SLC17A6: variants seen among roughly 807,000 people sequenced by gnomAD.
SLC17A6 encodes vesicular glutamate transporter 2.
SLC17A6 carries 35 observed loss-of-function variants against 67.1 expected under a neutral mutation model. The ratio of observed to expected loss-of-function variants is 0.52; its 90% CI spans 0.40 to 0.69. The LOEUF (loss-of-function observed/expected upper bound fraction) is 0.69. Ranked by LOEUF, SLC17A6 falls within the 30% of genes least tolerant of loss-of-function variation. SLC17A6 has a pLI of 0.00. For synonymous variants in SLC17A6, 285 were observed against 252.3 expected, an observed-to-expected ratio of 1.13 and a Z score of -1.23; for missense variants, 588 against 723.9, an observed-to-expected ratio of 0.81 and a Z score of 2.15.
In SLC17A6 at chr11:22,362,792, T is replaced by C; in HGVS notation, c.715T>C (p.Tyr239His). The change falls in exon 6 of 12, where the codon TAC (tyrosine) becomes CAC (histidine). Residue 239 changes from tyrosine to histidine, a missense_variant. By Grantham distance (83) the Tyr-to-His change is moderately conservative (BLOSUM62 2). Around this residue, in one of 4 missense-constraint regions of SLC17A6, gnomAD observed 414 missense variants for 563.4 expected, o/e 0.73. Transcript: ENST00000263160. ...AMPLAGILVQYTGWSSVFYVY... is the reference protein window; with the variant it reads ...AMPLAGILVQHTGWSSVFYVY... ...GCCTTTAGCTGGCATTCTTGTGCAG[T>C]ACACTGGCTGGTCTTCAGTGTTTTA... 6.2e-7 allele frequency: 1 copy of C among 1,613,878 alleles called. No individual in the cohort carries two copies. Among genetic ancestry groups the C allele is most frequent in the Admixed American group, 1.7e-5 (1 of 60,020 alleles).
At chr11:22,358,649 CT>C (rs1856016720) in intron 3 of SLC17A6, among the ~76,000 whole-genome samples, 1 of 151,534 alleles carries the variant, frequency 6.6e-6, no homozygotes, top group African/African-American at 2.4e-5. Flanking sequence ...ATTTTTTTTT[CT>C]TTTTTTAACG....
In SLC17A6 at chr11:22,363,650, A is replaced by G. The variant is rs1296025231; in HGVS notation, c.748+825A>G. ...TTTTGAAATGTTCTCATCAGAACAA[A>G]TTATTATGCTTGTAGAAGGTTATTA... is the stretch of plus-strand genomic sequence containing the variant. On this transcript the variant is annotated intron_variant, in intron 6 of 11. Coordinates refer to ENST00000263160, the MANE Select transcript of SLC17A6 (RefSeq NM_020346.3). Among the ~76,000 whole-genome samples, 7 of 152,276 alleles carry G rather than the reference A, an allele frequency of 4.6e-5. No homozygotes were observed. The East Asian group carries it at 1.4e-3, about 29-fold the overall frequency.
intron 3 of SLC17A6, among the ~76,000 whole-genome samples, chr11:22,351,846 A>G (rs928816455): frequency 6.6e-6 from 1 of 152,266 alleles, no homozygotes; most frequent in African/African-American, 2.4e-5. Flanking sequence ...TGTGAAACCC[A>G]ATTATAAGTG....
At chr11:22,373,159 T>C (rs1422036781) in intron 8 of SLC17A6, among the ~76,000 whole-genome samples, 2 of 152,200 alleles carry the variant, frequency 1.3e-5, no homozygotes, top group East Asian at 3.8e-4. Context: ...TTCAAATAGA[T>C]AGTAAATAAC....
At chr11:22,356,603 A>C (rs898696352) in intron 3 of SLC17A6, among the ~76,000 whole-genome samples, 7 of 152,136 alleles carry the variant, frequency 4.6e-5, no homozygotes, top group Non-Finnish European at 1.0e-4. Flanking sequence ...TGAAAGCTGA[A>C]GAGGGTGGAT....
chr11:22,359,967 A>G (rs1337370464), intron 4 of SLC17A6, among the ~76,000 whole-genome samples: 1 of 152,138 alleles, frequency 6.6e-6, no homozygotes, highest in Non-Finnish European at 1.5e-5. Flanking sequence ...GAGGCATTCA[A>G]TTCTAATGAT....
chr11:22,370,021 C>T lies in SLC17A6; in HGVS notation c.892-18C>T. On this transcript the variant is annotated intron_variant, in intron 7 of 11. Transcript: ENST00000263160. ...AATATTTAAAATGGTCATAATGTCT[C>T]TCTTTTTGGAATTTCAGAAATTCAA... is the stretch of plus-strand genomic sequence containing the variant. 2 of 1,602,032 alleles carry T rather than the reference C, an allele frequency of 1.2e-6. No individual in the cohort carries two copies. Among genetic ancestry groups the T allele is most frequent in the Non-Finnish European group, 1.7e-6 (2 of 1,176,174 alleles).
Position 22,341,660 on chromosome 11 carries a change from C to A in SLC17A6, c.219C>A (p.Ile73=). The part of the protein sequence containing the change: ...TCFGLPRRYI[I]AIMSGLGFCI... ...TCGGCCTGCCCCGCCGCTACATTAT[C>A]GCCATCATGAGCGGCCTGGGCTTCT... The change falls in exon 2 of 12, where the codon ATC becomes ATA. Residue 73 remains isoleucine (I), a synonymous_variant. Coordinates refer to ENST00000263160, the MANE Select transcript of SLC17A6 (RefSeq NM_020346.3). 1 of 1,614,256 alleles carries A rather than the reference C, an allele frequency of 6.2e-7. No individual in the cohort carries two copies. Among genetic ancestry groups the A allele is most frequent in the African/African-American group, 1.3e-5 (1 of 75,084 alleles).
intron 8 of SLC17A6, among the ~76,000 whole-genome samples, chr11:22,372,440 A>G (rs571835457): frequency 2.7e-4 from 41 of 151,620 alleles, no homozygotes; most frequent in African/African-American, 9.4e-4. Flanking sequence ...CTTATATGTA[A>G]CATATTCAGG....
intron 1 of SLC17A6, among the ~76,000 whole-genome samples, chr11:22,340,530 A>G (rs1354066444): frequency 1.3e-5 from 2 of 152,194 alleles, no homozygotes; most frequent in Non-Finnish European, 2.9e-5. Context: ...TTTAAGTGAG[A>G]TCTTCCCCTT....
intron 2 of SLC17A6, 153 bp from the exon 3 acceptor site, chr11:22,343,094 T>C: frequency 1.4e-6 from 1 of 731,506 alleles, no homozygotes; most frequent in Non-Finnish European, 2.4e-6. Context: ...CAAGAGGCAA[T>C]TTTGTTAGGA....
At position 22,362,706 on chromosome 11, in the gene SLC17A6, C is replaced by G. The variant is rs772129117; in HGVS notation, c.662-33C>G. 4 of 1,543,514 alleles carry G rather than the reference C, an allele frequency of 2.6e-6. No individual in the cohort carries two copies. The Admixed American group carries it at 6.7e-5, about 26-fold the overall frequency. On this transcript the variant is annotated intron_variant, in intron 5 of 11. Transcript: ENST00000263160. Reference sequence around the variant, plus strand: ...ATATCAATAATTTCTACTGATTTCACTCACCTTTCTCCCATTCTTCCTTAC... The same window carrying G: ...ATATCAATAATTTCTACTGATTTCAGTCACCTTTCTCCCATTCTTCCTTAC...
intron 3 of SLC17A6, among the ~76,000 whole-genome samples, chr11:22,345,259 T>C (rs1855864190): frequency 6.6e-6 from 1 of 151,336 alleles, no homozygotes; most frequent in African/African-American, 2.4e-5. Context: ...TGTTTAGCAA[T>C]GAAAAGAGTG....
intron 7 of SLC17A6, among the ~76,000 whole-genome samples, chr11:22,367,860 T>C (rs1306602734): frequency 1.3e-5 from 2 of 152,208 alleles, no homozygotes; most frequent in Non-Finnish European, 2.9e-5. Flanking sequence ...TACTGATGTT[T>C]CATATGTTCC....
intron 3 of SLC17A6, among the ~76,000 whole-genome samples, chr11:22,349,820 C>T (rs909034181): frequency 1.3e-5 from 2 of 152,118 alleles, no homozygotes; most frequent in African/African-American, 2.4e-5. Flanking sequence ...TCAGATGTGA[C>T]AAAGGGAGGC....
Position 22,359,604 on chromosome 11 carries a change from G to GTAAA in SLC17A6, c.573+84_573+87dup, listed in dbSNP as rs1393999804. 10 of 794,814 alleles carry GTAAA rather than the reference G, an allele frequency of 1.3e-5. No individual in the cohort carries two copies. The African/African-American group carries it at 1.8e-4, about 14-fold the overall frequency. 49.2% of individuals were successfully genotyped at this position (794,814 alleles called of 1,614,324 possible). A position where few individuals can be genotyped will look rare whatever the true frequency, so the allele number is the denominator to read the frequency against. On this transcript the variant is annotated intron_variant, in intron 4 of 11. Transcript: ENST00000263160. ...CACCAGTTTATCTTTGTCTTTATCT[G>GTAAA]TAAATAAATATATTGTATTAGGTTG...
rs1856263263 is a variant in SLC17A6, at chr11:22,378,836, T to C, written c.*1096T>C. ...TATAGGACAATACATTATATTAAAA[T>C]GGTCTCTCTCTATATATATCTGTAT... On this transcript the variant is annotated 3_prime_UTR_variant, in exon 12 of 12. Coordinates refer to ENST00000263160, the MANE Select transcript of SLC17A6 (RefSeq NM_020346.3). 6.6e-6 allele frequency: 1 copy of C among 152,104 alleles called. No homozygotes were observed. Among genetic ancestry groups the C allele is most frequent in the Non-Finnish European group, 1.5e-5 (1 of 67,952 alleles). The allele number at this position is 152,104 out of a possible 1,614,324, so 9.4% of individuals were successfully genotyped here. A position where few individuals can be genotyped will look rare whatever the true frequency, so the allele number is the denominator to read the frequency against.
In SLC17A6 at chr11:22,341,760, G is replaced by C; in HGVS notation, c.319G>C (p.Gly107Arg). Residue 107 changes from glycine to arginine, a missense_variant, in exon 2 of 12, where the codon GGG becomes CGG. By Grantham distance (125) the Gly-to-Arg change is moderately radical (BLOSUM62 -2). Transcript: ENST00000263160. ...DMVNNSTIHR[G>R]GKVIKEKAKF... ...GGTCAACAACAGCACCATCCACCGCGGGGGCAAGGTCATCAAGGAGGTGGG... is the reference window on the plus strand; with the variant it reads ...GGTCAACAACAGCACCATCCACCGCCGGGGCAAGGTCATCAAGGAGGTGGG... 1.2e-6 allele frequency: 2 copies of C among 1,614,150 alleles called. No homozygotes were observed. The highest frequency in any genetic ancestry group is 1.3e-5 in the African/African-American group (1 of 75,072).
chr11:22,374,781 C>A lies in SLC17A6; in HGVS notation c.1068C>A (p.His356Gln). The change falls in exon 9 of 12, where the codon CAC becomes CAA. Residue 356 changes from histidine to glutamine, a missense_variant. Transcript: ENST00000263160. ...TTGGTATGCTATCTGCTGTGCCACA[C>A]TTAGTAATGACAATTATTGTGCCTA... is the stretch of plus-strand genomic sequence containing the variant. ...SKVGMLSAVP[H>Q]LVMTIIVPIG... 1 of 1,612,270 alleles carries A rather than the reference C, an allele frequency of 6.2e-7. No individual in the cohort carries two copies.
Sources: gnomAD v4.1 joint callset for allele counts (sites outside exome capture counted in the v4.1 genomes callset) on GRCh38, gnomAD v4.1.1 for gene constraint, gnomAD v4.1.1 regional missense constraint, MANE v1.5 for transcripts, NCBI Gene and HGNC (gene_info 2026-07-23, HGNC 2026-07-21) for gene names.